The following KIF26B variants were observed in gnomAD, a reference collection of about 807,000 sequenced individuals.
KIF26B encodes kinesin-like protein KIF26B.
KIF26B carries 63 observed loss-of-function variants against 151.2 expected under a neutral mutation model. That is an observed-to-expected ratio of 0.42 (90% CI 0.34 to 0.51). The LOEUF is 0.51. Among genes scored for constraint, KIF26B ranks in the 20% least tolerant of loss-of-function variants. KIF26B has a pLI of 0.07. For missense variants in KIF26B, 2,813 were observed against 2,913.6 expected, an observed-to-expected ratio of 0.97 and a Z score of 0.79; for synonymous variants, 1,357 against 1,262.1, an observed-to-expected ratio of 1.08 and a Z score of -1.59.
intron 4 of KIF26B, among the ~76,000 whole-genome samples, chr1:245,506,968 C>T (rs1034562221): frequency 1.3e-5 from 2 of 152,200 alleles, no homozygotes; most frequent in East Asian, 3.8e-4. Context: ...GCGTGAGCCA[C>T]GGTGCCCAGC....
intron 2 of KIF26B, among the ~76,000 whole-genome samples, chr1:245,181,448 G>A (rs1668904943): frequency 6.6e-6 from 1 of 151,496 alleles, no homozygotes; most frequent in African/African-American, 2.4e-5. Flanking sequence ...TCTCATTATG[G>A]TGTAAATTTT....
chr1:245,529,660 T>G (rs1179087029), intron 4 of KIF26B, among the ~76,000 whole-genome samples: 1 of 152,206 alleles, frequency 6.6e-6, no homozygotes, highest in African/African-American at 2.4e-5. Flanking sequence ...TTACTTGGCT[T>G]TAAACAAAGG....
chr1:245,595,174 C>A (rs147999739), intron 5 of KIF26B, among the ~76,000 whole-genome samples: 102 of 152,248 alleles, frequency 6.7e-4, no homozygotes, highest in African/African-American at 2.4e-3. Context: ...TGCCTGATCG[C>A]CCTGGCCAGA....
At position 245,329,447 on chromosome 1, in the gene KIF26B, C is replaced by T. The variant is rs188735665; in HGVS notation, c.466-37387C>T. Reference sequence around the variant, plus strand: ...CTCCGGAGCTCCACCCTCATCGCCACTATCTCTCCTTGGACTTGAACCACA... The same window carrying T: ...CTCCGGAGCTCCACCCTCATCGCCATTATCTCTCCTTGGACTTGAACCACA... On this transcript the variant is annotated intron_variant, in intron 2 of 14. Transcript: ENST00000407071. Among the ~76,000 whole-genome samples, 607 of 152,346 alleles carry T rather than the reference C, an allele frequency of 4.0e-3. 5 individuals carry two copies. Among genetic ancestry groups the T allele is most frequent in the African/African-American group, 0.014 (571 of 41,578 alleles).
At chr1:245,325,365 A>G (rs1309724862) in intron 2 of KIF26B, among the ~76,000 whole-genome samples, 1 of 152,160 alleles carries the variant, frequency 6.6e-6, no homozygotes, top group Non-Finnish European at 1.5e-5. Context: ...CTTAAAACCA[A>G]CCTTATTCCA....
intron 4 of KIF26B, among the ~76,000 whole-genome samples, chr1:245,526,584 T>C (rs1234835268): frequency 6.6e-6 from 1 of 152,224 alleles, no homozygotes; most frequent in Non-Finnish European, 1.5e-5. Flanking sequence ...CTCTAGCAAA[T>C]GAGACTCTTA....
chr1:245,638,170 T>C (rs970756895), intron 9 of KIF26B, among the ~76,000 whole-genome samples: 4 of 151,920 alleles, frequency 2.6e-5, no homozygotes, highest in Admixed American at 6.6e-5. Flanking sequence ...TCAATATCTT[T>C]CATTGGTGTT....
intron 5 of KIF26B, among the ~76,000 whole-genome samples, chr1:245,579,788 C>A (rs867768214): frequency 1.3e-5 from 2 of 151,002 alleles, no homozygotes; most frequent in East Asian, 3.9e-4. Flanking sequence ...GTGGAGGTTG[C>A]GGTGAGCCGA....
At chr1:245,651,487 T>C (rs1398051431) in intron 10 of KIF26B, among the ~76,000 whole-genome samples, 1 of 152,094 alleles carries the variant, frequency 6.6e-6, no homozygotes, top group Non-Finnish European at 1.5e-5. Flanking sequence ...CATGGAGATT[T>C]GGGATTAGCC....
chr1:245,314,774 C>G (rs1446207222), intron 2 of KIF26B, among the ~76,000 whole-genome samples: 1 of 152,204 alleles, frequency 6.6e-6, no homozygotes, highest in African/African-American at 2.4e-5. Flanking sequence ...CACGCTTCCT[C>G]AAGAGCTGAA....
At chr1:245,359,647 CTTCA>C (rs1558402120) in intron 2 of KIF26B, among the ~76,000 whole-genome samples, 4 of 151,578 alleles carry the variant, frequency 2.6e-5, no homozygotes, top group East Asian at 3.9e-4. Context: ...TCCTTCCTTC[CTTCA>C]TTCCTTCCCT....
At chr1:245,452,683 C>T (rs1572069022) in intron 4 of KIF26B, among the ~76,000 whole-genome samples, 2 of 151,938 alleles carry the variant, frequency 1.3e-5, no homozygotes, top group Admixed American at 6.5e-5. Flanking sequence ...TTTGCATTTC[C>T]CTAGTGACTA....
At chr1:245,258,479 G>T (rs754177708) in intron 2 of KIF26B, among the ~76,000 whole-genome samples, 4 of 152,136 alleles carry the variant, frequency 2.6e-5, no homozygotes, top group Non-Finnish European at 5.9e-5. Context: ...CAGTGGTGTT[G>T]GTATTGGAGC....
chr1:245,609,806 A>AG (rs1452960239), intron 8 of KIF26B, among the ~76,000 whole-genome samples: 1 of 151,942 alleles, frequency 6.6e-6, no homozygotes, highest in African/African-American at 2.4e-5. Context: ...TTTCAAAAAA[A>AG]AAAAGTAACA....
At chr1:245,341,444 A>G (rs536973935) in intron 2 of KIF26B, among the ~76,000 whole-genome samples, 1 of 150,890 alleles carries the variant, frequency 6.6e-6, no homozygotes, top group African/African-American at 2.4e-5. Flanking sequence ...TTCAGCCTCC[A>G]GAGTAGCTGT....
rs181225150 is a variant in KIF26B at position 245,384,389 on chromosome 1, A to G, written c.999+17022A>G. Among the ~76,000 whole-genome samples, 225 of 152,356 alleles carry G rather than the reference A, an allele frequency of 1.5e-3. 1 individual carries two copies. Among genetic ancestry groups the G allele is most frequent in the African/African-American group, 5.3e-3 (222 of 41,574 alleles). On this transcript the variant is annotated intron_variant, in intron 3 of 14. Transcript: ENST00000407071. ...TCTTAATGCATTCAAGCTTCATAAC[A>G]TTCCTATGAAGTAAATTATTCCCAT...
At position 245,540,466 on chromosome 1, in the gene KIF26B, C is replaced by G; in HGVS notation, c.1167-301C>G. 1 of 596,060 alleles carries G rather than the reference C, an allele frequency of 1.7e-6. No homozygotes were observed. Among genetic ancestry groups the G allele is most frequent in the South Asian group, 1.5e-5 (1 of 65,042 alleles). 36.9% of individuals were successfully genotyped at this position (596,060 alleles called of 1,614,324 possible). On this transcript the variant is annotated intron_variant, in intron 4 of 14. Coordinates refer to ENST00000407071, the MANE Select transcript of KIF26B (RefSeq NM_018012.4). This position sits in a 1 kb window ranked among gnomAD's most constrained non-coding sequence, Gnocchi z 4.6. The stretch of plus-strand genomic sequence containing the variant: ...ATGGGTGCCCTTATCCCCAAAGATG[C>G]CCAGCTTTGTTCCTGCTTAAGCTGA...
intron 2 of KIF26B, among the ~76,000 whole-genome samples, chr1:245,308,685 C>G (rs1671606327): frequency 6.6e-6 from 1 of 152,116 alleles, no homozygotes; most frequent in Non-Finnish European, 1.5e-5. Context: ...CTGCAGTGAG[C>G]TGTGATTGCA....
intron 3 of KIF26B, among the ~76,000 whole-genome samples, chr1:245,383,754 T>C (rs1263000060): frequency 6.6e-6 from 1 of 152,198 alleles, no homozygotes; most frequent in African/African-American, 2.4e-5. Flanking sequence ...GTAGAAAGGA[T>C]GAACGGTGGT....
Sources: allele counts gnomAD v4.1 joint callset (sites outside exome capture counted in the v4.1 genomes callset), GRCh38; gene constraint gnomAD v4.1.1; non-coding constraint Gnocchi (gnomAD v3.1); transcripts MANE v1.5; gene names NCBI Gene and HGNC (gene_info 2026-07-23, HGNC 2026-07-21).